Variants in TTC7B observed in about 807,000 individuals in gnomAD.
TTC7B encodes the protein tetratricopeptide repeat protein 7B.
In TTC7B, 28 loss-of-function variants were observed where a neutral mutation model predicts 106.8. That is an observed-to-expected ratio of 0.26 (90% confidence interval 0.19 to 0.36). The LOEUF (loss-of-function observed/expected upper bound fraction) is 0.36. Ranked by LOEUF, TTC7B falls within the 10% of genes least tolerant of loss-of-function variation. The probability of loss-of-function intolerance (pLI) is 1.00; values close to 1 mark genes in which losing one functional copy is unlikely to be tolerated. For synonymous variants in TTC7B, 405 were observed against 430.6 expected, an observed-to-expected ratio of 0.94 and a Z score of 0.74; for missense variants, 862 against 1,076.4, an observed-to-expected ratio of 0.80 and a Z score of 2.79.
Position 90,807,703 on chromosome 14 carries a change from G to A in TTC7B, c.121+8472C>T, listed in dbSNP as rs1461177465. Among the ~76,000 whole-genome samples the A allele has an allele frequency of 6.6e-6, 1 of 152,194 alleles. No individual in the cohort carries two copies. Among genetic ancestry groups the A allele is most frequent in the East Asian group, 1.9e-4 (1 of 5,194 alleles). ...ACACTTGCCTACTCAAACTAACTGAGGCTGTTTACAAATGTAGATTTCCAG... is the reference window on the plus strand; with the variant it reads ...ACACTTGCCTACTCAAACTAACTGAAGCTGTTTACAAATGTAGATTTCCAG... On this transcript the variant is annotated intron_variant, in intron 1 of 19. Coordinates refer to ENST00000328459, the MANE Select transcript of TTC7B (RefSeq NM_001010854.2). The surrounding 1 kb of genome is among the most constrained non-coding windows in gnomAD (Gnocchi z 4.1).
rs183407183 is a variant in TTC7B at position 90,626,037 on chromosome 14, A to G, written c.1752-7992T>C. Reference sequence around the variant, plus strand: ...AATCTCCAGGTTCTCCACTCACCTTAGACTTACTGAGTCAGAATCTGCATG... The same window carrying G: ...AATCTCCAGGTTCTCCACTCACCTTGGACTTACTGAGTCAGAATCTGCATG... On this transcript the variant is annotated intron_variant, in intron 15 of 19. Transcript: ENST00000328459. Among the ~76,000 whole-genome samples the G allele has an allele frequency of 7.2e-5, 11 of 152,300 alleles. No individual in the cohort carries two copies. The East Asian group carries it at 2.1e-3, about 29-fold the overall frequency.
chr14:90,660,395 C>CAAAAAAAAAAAAAAAAAAAA (rs57030874), intron 9 of TTC7B, among the ~76,000 whole-genome samples: 5 of 40,892 alleles, frequency 1.2e-4, no homozygotes, highest in Non-Finnish European at 1.7e-4. Flanking sequence ...CACCCTGTCT[C>CAAAAAAAAAAAAAAAAAAAA]AAAAAAAAAA....
rs1234925527 is a variant in TTC7B at position 90,808,667 on chromosome 14, C to T, written c.121+7508G>A. ...ATCTCTGGGTCAGACATCCGCTCAT[C>T]CTTGTCTTGGTGGCTGATGGGAATG... is the stretch of plus-strand genomic sequence containing the variant. On this transcript the variant is annotated intron_variant, in intron 1 of 19. Coordinates refer to ENST00000328459, the MANE Select transcript of TTC7B (RefSeq NM_001010854.2). This position sits in a 1 kb window ranked among gnomAD's most constrained non-coding sequence, Gnocchi z 4.2. 6.6e-6 allele frequency among the ~76,000 whole-genome samples: 1 copy of T among 152,198 alleles called. No homozygotes were observed. Among genetic ancestry groups the T allele is most frequent in the Non-Finnish European group, 1.5e-5 (1 of 68,046 alleles).
chr14:90,605,111 G>T (rs1892586288), intron 17 of TTC7B, among the ~76,000 whole-genome samples: 1 of 152,166 alleles, frequency 6.6e-6, no homozygotes, highest in Admixed American at 6.5e-5. Context: ...CTGCTTTAAA[G>T]GTTTTCTGTG....
intron 8 of TTC7B, among the ~76,000 whole-genome samples, chr14:90,679,308 T>C (rs1322867114): frequency 1.3e-5 from 2 of 152,192 alleles, no homozygotes. Context: ...AGCTGCCCTC[T>C]CATGAGTTCT....
intron 7 of TTC7B, among the ~76,000 whole-genome samples, chr14:90,681,649 C>T (rs1887052936): frequency 6.6e-6 from 1 of 152,156 alleles, no homozygotes; most frequent in African/African-American, 2.4e-5. Context: ...AAGGAAGCCA[C>T]CTGCAGGATG....
chr14:90,655,448 T>G (rs531568997), intron 11 of TTC7B, among the ~76,000 whole-genome samples: 8 of 152,250 alleles, frequency 5.3e-5, no homozygotes, highest in Non-Finnish European at 1.2e-4. Context: ...GAAGTTGAAC[T>G]GAATATATTT....
intron 19 of TTC7B, among the ~76,000 whole-genome samples, chr14:90,545,000 T>G (rs1002849864): frequency 2.0e-5 from 3 of 151,790 alleles, no homozygotes; most frequent in African/African-American, 4.8e-5. Context: ...AAGTGGAGGG[T>G]TTTTCCCCAC....
intron 4 of TTC7B, among the ~76,000 whole-genome samples, chr14:90,736,696 G>T (rs906691585): frequency 1.3e-5 from 2 of 151,892 alleles, no homozygotes; most frequent in Non-Finnish European, 2.9e-5. Context: ...ACCAGCCTGG[G>T]CAACAAAGTG....
chr14:90,747,376 T>C (rs1438673108), intron 3 of TTC7B, among the ~76,000 whole-genome samples: 1 of 152,230 alleles, frequency 6.6e-6, no homozygotes, highest in African/African-American at 2.4e-5. Context: ...TTACTGATTG[T>C]AATCTGTATC....
intron 1 of TTC7B, among the ~76,000 whole-genome samples, chr14:90,801,892 C>T (rs1408289034): frequency 6.6e-6 from 1 of 152,076 alleles, no homozygotes; most frequent in Non-Finnish European, 1.5e-5. Context: ...GAAACCCCAT[C>T]TCTACTAAAA....
chr14:90,676,715 C>A, intron 8 of TTC7B, 55 bp from the exon 9 acceptor site: 1 of 1,588,654 alleles, frequency 6.3e-7, no homozygotes, highest in Non-Finnish European at 8.6e-7. Flanking sequence ...TGCTGCATGG[C>A]GGGGAGTCCA....
At chr14:90,633,368 C>T (rs898207908) in intron 15 of TTC7B, among the ~76,000 whole-genome samples, 1 of 152,162 alleles carries the variant, frequency 6.6e-6, no homozygotes, top group South Asian at 2.1e-4. Context: ...AATTGCATAA[C>T]CACAATTGTC....
chr14:90,642,275 C>T (rs1008835928), intron 15 of TTC7B, among the ~76,000 whole-genome samples: 1 of 152,036 alleles, frequency 6.6e-6, no homozygotes, highest in Non-Finnish European at 1.5e-5. Context: ...AGAATTCTCT[C>T]GATGGGAAGA....
chr14:90,740,187 C>T (rs917469059), intron 4 of TTC7B, among the ~76,000 whole-genome samples: 1 of 152,148 alleles, frequency 6.6e-6, no homozygotes, highest in Non-Finnish European at 1.5e-5. Flanking sequence ...TTCTTGGCCC[C>T]GCCTCTGGGT....
intron 8 of TTC7B, among the ~76,000 whole-genome samples, chr14:90,677,067 A>G (rs1188058868): frequency 1.3e-5 from 2 of 152,226 alleles, no homozygotes; most frequent in Non-Finnish European, 2.9e-5. Flanking sequence ...CTTCTGCTCT[A>G]CATTAAAGAG....
At chr14:90,705,521 C>T (rs887885648) in intron 5 of TTC7B, among the ~76,000 whole-genome samples, 1 of 152,078 alleles carries the variant, frequency 6.6e-6, no homozygotes, top group Non-Finnish European at 1.5e-5. Flanking sequence ...CTGTTCTAGC[C>T]CATATTTCAT....
chr14:90,812,347 A>G (rs2030941856), intron 1 of TTC7B, among the ~76,000 whole-genome samples: 1 of 152,188 alleles, frequency 6.6e-6, no homozygotes, highest in Non-Finnish European at 1.5e-5. Context: ...GTCCTCCCAG[A>G]GACCAGGACC....
intron 19 of TTC7B, among the ~76,000 whole-genome samples, chr14:90,561,090 T>G (rs1043821977): frequency 6.6e-6 from 1 of 152,224 alleles, no homozygotes; most frequent in Non-Finnish European, 1.5e-5. Flanking sequence ...TCTGGCCCCA[T>G]GCATCTGTGT....
Sources: allele counts gnomAD v4.1 joint callset (sites outside exome capture counted in the v4.1 genomes callset), GRCh38; gene constraint gnomAD v4.1.1; non-coding constraint Gnocchi (gnomAD v3.1); transcripts MANE v1.5; gene names NCBI Gene and HGNC (gene_info 2026-07-23, HGNC 2026-07-21).